The following HSPB7 variants were observed in gnomAD, a reference collection of about 807,000 sequenced individuals.
The protein encoded by HSPB7 is heat shock protein beta-7.
A neutral mutation model predicts 11.0 loss-of-function variants in HSPB7; 9 were observed. That is an observed-to-expected ratio of 0.82 (90% CI 0.49 to 1.43). The LOEUF (loss-of-function observed/expected upper bound fraction) is 1.43, where lower values mean the gene tolerates loss of function less well. Ranked by LOEUF, HSPB7 falls within the 40% of genes most tolerant of loss-of-function variation. The pLI is 0.00. For missense variants in HSPB7, 246 were observed against 243.9 expected (o/e 1.01, Z -0.06); for synonymous variants, 102 against 101.6 (o/e 1.00, Z -0.02).
At chr1:16,017,589 G>A (rs569154516) in intron 1 of HSPB7, 176 bp downstream of exon 1, 19 of 623,624 alleles carry the variant, frequency 3.0e-5, no homozygotes, top group South Asian at 1.5e-4. Context: ...AGGCCCACCT[G>A]TTTTCATGGC....
At chr1:16,019,232 G>A (rs746334062), upstream of HSPB7, 28 of 1,549,044 alleles carry the variant, frequency 1.8e-5, no homozygotes, top group Admixed American at 2.2e-4. Flanking sequence ...CTCCAAATCC[G>A]TCCCTTCCGT....
intron 1 of HSPB7, 133 bp from the exon 2 acceptor site, chr1:16,017,340 C>G (rs1763596): frequency 8.3e-7 from 1 of 1,210,820 alleles, no homozygotes; most frequent in Non-Finnish European, 1.2e-6. Context: ...TCTCCCTAAG[C>G]TCCTCCTCAT....
At chr1:16,019,510 C>CT, upstream of HSPB7, 1 of 1,492,198 alleles carries the variant, frequency 6.7e-7, no homozygotes, top group South Asian at 1.3e-5. Flanking sequence ...TCTCTTTTGT[C>CT]TGAGCCCCCT....
At chr1:16,017,318 C>A (rs570615500) in intron 1 of HSPB7, 111 bp from the exon 2 acceptor site, 56 of 1,426,626 alleles carry the variant, frequency 3.9e-5, no homozygotes, top group Middle Eastern at 2.6e-4. Flanking sequence ...CCCTACCTCC[C>A]CCCTAGCTGT....
At chr1:16,018,465 G>A, upstream of HSPB7, 2 of 1,140,522 alleles carry the variant, frequency 1.8e-6, no homozygotes, top group Non-Finnish European at 2.2e-6. Context: ...TGGGGACAGG[G>A]TAGGTGGAAG....
chr1:16,017,387 C>T (rs2021820717), intron 1 of HSPB7, 180 bp from the exon 2 acceptor site: 1 of 739,190 alleles, frequency 1.4e-6, no homozygotes, highest in Non-Finnish European at 2.2e-6. Context: ...GGGGTGGGGC[C>T]TCACCCAGCA....
chr1:16,019,383 C>T (rs267598142), upstream of HSPB7: 2 of 1,493,160 alleles, frequency 1.3e-6, no homozygotes, highest in Non-Finnish European at 1.8e-6. Flanking sequence ...ACATAGTCTT[C>T]CTGTGTGCTG....
rs533029438 is a variant in HSPB7, at chr1:16,017,092, G to A, written c.315C>T (p.Ile105=). Residue 105 remains isoleucine (I), a synonymous_variant, in exon 2 of 3, where the codon ATC becomes ATT. Transcript: ENST00000311890. ...GGCTCACCTTCTCAGCCCGCACCTC[G>A]ATGTGGTTGTTGGAGGTGGTGACAA... is the stretch of plus-strand genomic sequence containing the variant. ...DIIVTTSNNH[I]EVRAEKLAAD... 4.3e-6 allele frequency: 7 copies of A among 1,611,306 alleles called. No homozygotes were observed. Among genetic ancestry groups the A allele is most frequent in the East Asian group, 2.2e-5 (1 of 44,754 alleles).
In HSPB7 at chr1:16,017,282, T is replaced by C. The variant is rs145128881; in HGVS notation, c.200-75A>G. On this transcript the variant is annotated intron_variant, in intron 1 of 2. Coordinates refer to ENST00000311890, the MANE Select transcript of HSPB7 (RefSeq NM_014424.5). ...GATCCGGGGGTTCTGGCTCCTTCTCTTGGGGCAAGGGGCGGCTCCCCCAGG... is the reference window on the plus strand; with the variant it reads ...GATCCGGGGGTTCTGGCTCCTTCTCCTGGGGCAAGGGGCGGCTCCCCCAGG... The C allele has an allele frequency of 2.4e-3, 3,837 of 1,570,846 alleles. 94 individuals carry two copies. In the African/African-American group the frequency reaches 0.044, roughly 18 times the overall value.
At chr1:16,019,178 C>G (rs2021967683), upstream of HSPB7, 2 of 1,550,412 alleles carry the variant, frequency 1.3e-6, no homozygotes, top group African/African-American at 2.7e-5. Flanking sequence ...GGCGGCCAGG[C>G]CCTCTGCTCT....
In HSPB7 at chr1:16,015,491, G is replaced by T; in HGVS notation, c.*89C>A. On this transcript the variant is annotated 3_prime_UTR_variant, in exon 3 of 3. Transcript: ENST00000311890. The surrounding 1 kb of genome is among the most constrained non-coding windows in gnomAD (Gnocchi z 4.9). Reference sequence around the variant, plus strand: ...GTGCGTGGGGGCTAGAACCTGGGCTGAGATGTCCTGGAGCTGTTGTAATGG... The same window carrying T: ...GTGCGTGGGGGCTAGAACCTGGGCTTAGATGTCCTGGAGCTGTTGTAATGG... The T allele has an allele frequency of 7.6e-7, 1 of 1,315,670 alleles. No homozygotes were observed. Among genetic ancestry groups the T allele is most frequent in the Non-Finnish European group, 1.1e-6 (1 of 929,976 alleles). 81.5% of individuals were successfully genotyped at this position (1,315,670 alleles called of 1,614,324 possible).
rs1199632840 is a variant in HSPB7 at position 16,017,845 on chromosome 1, G to A, written c.119C>T (p.Pro40Leu). 11 of 1,613,844 alleles carry A rather than the reference G, an allele frequency of 6.8e-6. No homozygotes were observed. Among genetic ancestry groups the A allele is most frequent in the Non-Finnish European group, 9.3e-6 (11 of 1,179,932 alleles). Residue 40 changes from proline to leucine, a missense_variant, in exon 1 of 3, where the codon CCC becomes CTC. Transcript: ENST00000311890. Reference sequence around the variant, plus strand: ...AAACATGCTCAGGGCCTTCTCCATGGGCGGGTCCTGGGCCGGGAGAGCACG... The same window carrying A: ...AAACATGCTCAGGGCCTTCTCCATGAGCGGGTCCTGGGCCGGGAGAGCACG... ...ASRALPAQDP[P>L]MEKALSMFSD...
At chr1:16,017,597 G>T in intron 1 of HSPB7, 168 bp downstream of exon 1, 1 of 632,136 alleles carries the variant, frequency 1.6e-6, no homozygotes, top group Non-Finnish European at 2.7e-6. Context: ...CTGTTTTCAT[G>T]GCCACATCTG....
In HSPB7 at chr1:16,015,550, G is replaced by A; in HGVS notation, c.*30C>T. 1 of 1,607,910 alleles carries A rather than the reference G, an allele frequency of 6.2e-7. No homozygotes were observed. Among genetic ancestry groups the A allele is most frequent in the Non-Finnish European group, 8.5e-7 (1 of 1,174,840 alleles). On this transcript the variant is annotated 3_prime_UTR_variant, in exon 3 of 3. Transcript: ENST00000311890. The surrounding 1 kb of genome is among the most constrained non-coding windows in gnomAD (Gnocchi z 4.9). ...AGGCTTTGCTGGCAGGCGTGGGGCG[G>A]GGGGACAGGGAAAGGGAAGGGAGAG...
chr1:16,017,847 C>CG lies in HSPB7; in HGVS notation c.116dup (p.Pro40AlafsTer12). 1 of 1,613,768 alleles carries CG rather than the reference C, an allele frequency of 6.2e-7. No homozygotes were observed. Among genetic ancestry groups the CG allele is most frequent in the Non-Finnish European group, 8.5e-7 (1 of 1,179,868 alleles). ...ACATGCTCAGGGCCTTCTCCATGGG[C>CG]GGGTCCTGGGCCGGGAGAGCACGGG... On this transcript the variant is annotated frameshift_variant, in exon 1 of 3. Transcript: ENST00000311890. LOFTEE classifies it high-confidence loss of function.
rs955408809 is a variant in HSPB7 at position 16,015,429 on chromosome 1, G to A, written c.*151C>T. On this transcript the variant is annotated 3_prime_UTR_variant, in exon 3 of 3. Transcript: ENST00000311890. This position sits in a 1 kb window ranked among gnomAD's most constrained non-coding sequence, Gnocchi z 4.9. ...TGGCCTGCCCTGGATAGAGTGGAGG[G>A]CCCTAGTTTGGGAGGATGGTCCACC... 3 of 675,082 alleles carry A rather than the reference G, an allele frequency of 4.4e-6. No homozygotes were observed. The East Asian group carries it at 8.3e-5, about 19-fold the overall frequency. 41.8% of individuals were successfully genotyped at this position (675,082 alleles called of 1,614,324 possible).
upstream of HSPB7, chr1:16,019,581 G>C (rs2021986977): frequency 8.5e-7 from 1 of 1,175,986 alleles, no homozygotes. Context: ...AGCGGTGCTG[G>C]TGGTATGTGG....
At position 16,017,194 on chromosome 1, in the gene HSPB7, C is replaced by T; in HGVS notation, c.213G>A (p.Gly71=). 6.2e-7 allele frequency: 1 copy of T among 1,613,134 alleles called. No individual in the cohort carries two copies. The highest frequency in any genetic ancestry group is 8.5e-7 in the Non-Finnish European group (1 of 1,179,250). Residue 71 remains glycine (G), a synonymous_variant, in exon 2 of 3, where the codon GGG becomes GGA. Transcript: ENST00000311890. The stretch of plus-strand genomic sequence containing the variant: ...CTCCTAGGGTCTTGATGTTGCCTGC[C>T]CCACCGGGGCGGGCTGTGGGATGGG... ...EPLAFPARPG[G]AGNIKTLGDA... is the part of the protein sequence containing the mutation.
rs370925413 is a variant in HSPB7, at chr1:16,015,100, C to G, written c.*480G>C. 1 of 153,740 alleles carries G rather than the reference C, an allele frequency of 6.5e-6. No homozygotes were observed. The highest frequency in any genetic ancestry group is 1.9e-4 in the East Asian group (1 of 5,168). 9.5% of individuals were successfully genotyped at this position (153,740 alleles called of 1,614,324 possible). ...TCTCCTCTTGGCCTTGCTGAGCCCT[C>G]GGGCAATTAGTTCCACTTAGATAGG... On this transcript the variant is annotated 3_prime_UTR_variant, in exon 3 of 3. Transcript: ENST00000311890. The surrounding 1 kb of genome is among the most constrained non-coding windows in gnomAD (Gnocchi z 4.9).
Sources: allele counts gnomAD v4.1 joint callset, GRCh38; gene constraint gnomAD v4.1.1; non-coding constraint Gnocchi (gnomAD v3.1); transcripts MANE v1.5; gene names NCBI Gene and HGNC (gene_info 2026-07-23, HGNC 2026-07-21).